The following ESCO1 variants were observed in gnomAD, a reference collection of about 807,000 sequenced individuals.
ESCO1 encodes the protein establishment of sister chromatid cohesion N-acetyltransferase 1.
A neutral mutation model predicts 83.5 loss-of-function variants in ESCO1; 33 were observed. That is an observed-to-expected ratio of 0.40 (90% CI 0.30 to 0.53). The LOEUF (loss-of-function observed/expected upper bound fraction) is 0.53. ESCO1 is among the 20% of genes least tolerant of loss of function. The pLI is 0.63. For missense variants in ESCO1, 855 were observed against 968.0 expected, an observed-to-expected ratio of 0.88 and a Z score of 1.55; for synonymous variants, 332 against 324.3, an observed-to-expected ratio of 1.02 and a Z score of -0.25.
At chr18:21,595,375 AAAAAAAAAAAAG>A (rs893916815) in intron 1 of ESCO1, among the ~76,000 whole-genome samples, 1 of 149,512 alleles carries the variant, frequency 6.7e-6, no homozygotes, top group African/African-American at 2.5e-5. Flanking sequence ...AAAAAAAAAA[AAAAAAAAAAAAG>A]GGGCCGGCGC....
intron 7 of ESCO1, among the ~76,000 whole-genome samples, chr18:21,562,994 C>G (rs1261572489): frequency 6.6e-6 from 1 of 151,260 alleles, no homozygotes; most frequent in African/African-American, 2.4e-5. Context: ...GTTTTAGCCT[C>G]CCGAGCAGCT....
chr18:21,532,412 C>A, intron 11 of ESCO1, 61 bp downstream of exon 11: 1 of 1,517,102 alleles, frequency 6.6e-7, no homozygotes, highest in Non-Finnish European at 8.9e-7. Context: ...AATCTTTACA[C>A]TAAAGCTCTG....
chr18:21,568,657 C>A (rs2038296277), intron 4 of ESCO1, among the ~76,000 whole-genome samples: 1 of 152,176 alleles, frequency 6.6e-6, no homozygotes, highest in South Asian at 2.1e-4. Flanking sequence ...AATCCCAGCA[C>A]TTTGGGAGGC....
chr18:21,594,984 A>T (rs1490147004), intron 1 of ESCO1, among the ~76,000 whole-genome samples: 1 of 148,612 alleles, frequency 6.7e-6, no homozygotes. Context: ...TTATATATGA[A>T]AAACTACAGG....
chr18:21,542,743 T>G (rs1027499539), intron 8 of ESCO1, among the ~76,000 whole-genome samples: 2 of 152,232 alleles, frequency 1.3e-5, no homozygotes, highest in African/African-American at 4.8e-5. Flanking sequence ...AGCTAATATT[T>G]GTTCAAATAA....
chr18:21,537,888 A>T (rs2037855780), intron 9 of ESCO1, among the ~76,000 whole-genome samples: 1 of 152,184 alleles, frequency 6.6e-6, no homozygotes, highest in Non-Finnish European at 1.5e-5. Context: ...AAAAGTTTGA[A>T]CTGTGTGGGT....
chr18:21,541,592 CAAAAAAAAA>C (rs58040604), intron 8 of ESCO1, among the ~76,000 whole-genome samples: 6 of 86,820 alleles, frequency 6.9e-5, no homozygotes, highest in Non-Finnish European at 1.5e-4. Flanking sequence ...GACACTGTCC[CAAAAAAAAA>C]AAAAAAAAAA....
At chr18:21,591,980 T>C (rs1322998756) in intron 1 of ESCO1, among the ~76,000 whole-genome samples, 1 of 151,568 alleles carries the variant, frequency 6.6e-6, no homozygotes, top group African/African-American at 2.4e-5. Flanking sequence ...GAGCACAGGG[T>C]TGGGGGGTAA....
chr18:21,533,448 G>A (rs1048667192), intron 10 of ESCO1, among the ~76,000 whole-genome samples: 8 of 151,840 alleles, frequency 5.3e-5, no homozygotes, highest in Non-Finnish European at 7.4e-5. Flanking sequence ...GGCACGCACC[G>A]CCATGCCCGA....
chr18:21,533,737 T>A (rs2082212652), intron 10 of ESCO1, among the ~76,000 whole-genome samples: 1 of 152,240 alleles, frequency 6.6e-6, no homozygotes, highest in South Asian at 2.1e-4. Flanking sequence ...TCGCACTATG[T>A]AAAATTAATT....
In ESCO1 at chr18:21,573,581, A is replaced by C; in HGVS notation, c.1263T>G (p.Ser421Arg). Reference sequence around the variant, plus strand: ...GCATTTCTAAAGCTGGTGGTGAAAAACTGGTTCGTAATAAGCCTAATTTAG... The same window carrying C: ...GCATTTCTAAAGCTGGTGGTGAAAACCTGGTTCGTAATAAGCCTAATTTAG... ...VSPKLGLLRT[S>R]FSPPALEMHH... Residue 421 changes from serine to arginine, a missense_variant, in exon 4 of 12, where the codon AGT becomes AGG. By Grantham distance (110) the Ser-to-Arg change is moderately radical. Coordinates refer to ENST00000269214, the MANE Select transcript of ESCO1 (RefSeq NM_052911.3). 6.2e-7 allele frequency: 1 copy of C among 1,614,150 alleles called. No homozygotes were observed. The highest frequency in any genetic ancestry group is 8.5e-7 in the Non-Finnish European group (1 of 1,180,036).
chr18:21,547,226 G>A (rs538478065), intron 8 of ESCO1, among the ~76,000 whole-genome samples: 7 of 151,776 alleles, frequency 4.6e-5, no homozygotes, highest in Non-Finnish European at 7.4e-5. Context: ...ACTGATCTGT[G>A]AACTTACATA....
chr18:21,581,207 G>A (rs1598475408), intron 2 of ESCO1, among the ~76,000 whole-genome samples: 1 of 151,986 alleles, frequency 6.6e-6, no homozygotes, highest in South Asian at 2.1e-4. Context: ...CAGCTGCTCA[G>A]GAGGCTGAGG....
chr18:21,536,390 G>A (rs1048046727), intron 9 of ESCO1, among the ~76,000 whole-genome samples: 3 of 151,890 alleles, frequency 2.0e-5, no homozygotes, highest in Non-Finnish European at 2.9e-5. Context: ...AGGAGTTCAC[G>A]ACCAGCCTGG....
At chr18:21,549,574 C>T (rs2038019194) in intron 8 of ESCO1, among the ~76,000 whole-genome samples, 1 of 151,922 alleles carries the variant, frequency 6.6e-6, no homozygotes, top group Admixed American at 6.6e-5. Flanking sequence ...ACCATCACGC[C>T]CAGCTAATTT....
At chr18:21,598,246 G>A (rs1010265023) in intron 1 of ESCO1, among the ~76,000 whole-genome samples, 2 of 152,176 alleles carry the variant, frequency 1.3e-5, no homozygotes, top group African/African-American at 4.8e-5. Flanking sequence ...TTCATTAACA[G>A]AATAAATACA....
At chr18:21,548,207 G>A (rs996130975) in intron 8 of ESCO1, among the ~76,000 whole-genome samples, 3 of 152,088 alleles carry the variant, frequency 2.0e-5, no homozygotes, top group African/African-American at 7.2e-5. Context: ...AAAAAATATA[G>A]GAAGGCCAGG....
chr18:21,559,850 T>C (rs1316335526), intron 8 of ESCO1, among the ~76,000 whole-genome samples: 1 of 152,022 alleles, frequency 6.6e-6, no homozygotes. Flanking sequence ...AAATAAGAAA[T>C]ATAAAGGATG....
chr18:21,591,876 C>G (rs1186995105), intron 1 of ESCO1, among the ~76,000 whole-genome samples: 2 of 151,104 alleles, frequency 1.3e-5, no homozygotes, highest in African/African-American at 4.9e-5. Flanking sequence ...TGACTCTTAA[C>G]GAGCATGCTG....
Sources: allele counts gnomAD v4.1 joint callset (sites outside exome capture counted in the v4.1 genomes callset), GRCh38; gene constraint gnomAD v4.1.1; transcripts MANE v1.5; gene names NCBI Gene and HGNC (gene_info 2026-07-23, HGNC 2026-07-21).